Variants in FBXO21 observed in about 807,000 individuals in gnomAD.
The protein encoded by FBXO21 is F-box protein 21.
FBXO21 carries 32 observed loss-of-function variants against 76.6 expected under a neutral mutation model. That is an observed-to-expected ratio of 0.42 (90% CI 0.32 to 0.56). The LOEUF (loss-of-function observed/expected upper bound fraction) is 0.56, where lower values mean the gene tolerates loss of function less well. FBXO21 is among the 20% of genes least tolerant of loss of function. The pLI, the probability that FBXO21 is intolerant of heterozygous loss-of-function variation, is 0.16. For missense variants in FBXO21, 586 were observed against 797.3 expected (o/e 0.73, Z 3.19); for synonymous variants, 328 against 311.5 (o/e 1.05, Z -0.56).
chr12:117,153,984 AC>A (rs1026856275), intron 11 of FBXO21, among the ~76,000 whole-genome samples: 1 of 152,126 alleles, frequency 6.6e-6, no homozygotes, highest in African/African-American at 2.4e-5. Context: ...CTTAAGACCA[AC>A]CCTAAACAGT....
In FBXO21 at chr12:117,146,787, A is replaced by G. The variant is rs565601441; in HGVS notation, c.1676-510T>C. ...TTCCAACACTGGCCCTTAGCTTCCAACAGAGAGCAGCCTCTTTCCAGGGCT... is the reference window on the plus strand; with the variant it reads ...TTCCAACACTGGCCCTTAGCTTCCAGCAGAGAGCAGCCTCTTTCCAGGGCT... On this transcript the variant is annotated intron_variant, in intron 11 of 11. Transcript: ENST00000622495. Among the ~76,000 whole-genome samples, 7 of 152,228 alleles carry G rather than the reference A, an allele frequency of 4.6e-5. No individual in the cohort carries two copies. The East Asian group carries it at 7.7e-4, about 17-fold the overall frequency.
Position 117,190,423 on chromosome 12 carries a change from C to G in FBXO21, c.34G>C (p.Val12Leu), listed in dbSNP as rs1956336599. The G allele has an allele frequency of 1.4e-6, 2 of 1,462,096 alleles. No homozygotes were observed. Among genetic ancestry groups the G allele is most frequent in the South Asian group, 2.5e-5 (2 of 78,458 alleles). The allele number at this position is 1,462,096 out of a possible 1,614,324, so 90.6% of individuals were successfully genotyped here. ...AAAAVDSAMEVVPALAEEAAP... is the reference protein window; with the variant it reads ...AAAAVDSAMELVPALAEEAAP... ...GCCTCCTCCGCCAGCGCCGGCACCA[C>G]CTCCATCGCGCTGTCGACTGCTGCC... Residue 12 changes from valine to leucine, a missense_variant, in exon 1 of 12, where the codon GTG (valine) becomes CTG (leucine). Val to Leu is a conservative substitution (Grantham distance 32). Coordinates refer to ENST00000622495, the MANE Select transcript of FBXO21 (RefSeq NM_015002.3).
chr12:117,178,756 GC>G (rs1255288314), intron 3 of FBXO21, among the ~76,000 whole-genome samples: 1 of 151,792 alleles, frequency 6.6e-6, no homozygotes, highest in African/African-American at 2.4e-5. Flanking sequence ...CTTGAGTAAG[GC>G]CCCCTACATT....
Position 117,155,905 on chromosome 12 carries a change from T to C in FBXO21, c.1561A>G (p.Met521Val). The change falls in exon 11 of 12, where the codon ATG becomes GTG. Residue 521 changes from methionine to valine, a missense_variant. Physicochemically the swap from Met to Val is conservative, Grantham distance 21. Around this residue, in one of 6 missense-constraint regions of FBXO21, gnomAD observed 164 missense variants for 236.7 expected, o/e 0.69. Transcript: ENST00000622495. ...TTCCGGATCCACTCGTGTCCCATCA[T>C]GCAGGTGGGGTCCCAGCCGTAGATC... ...CVIYGWDPTC[M>V]MGHEWIRNMN... The C allele has an allele frequency of 5.0e-6, 8 of 1,614,206 alleles. No homozygotes were observed. The highest frequency in any genetic ancestry group is 6.8e-6 in the Non-Finnish European group (8 of 1,180,024).
At position 117,177,516 on chromosome 12, in the gene FBXO21, C is replaced by T. The variant is rs2135878046; in HGVS notation, c.592+4G>A. On this transcript the variant is annotated splice_donor_region_variant and intron_variant, in intron 4 of 11. Coordinates refer to ENST00000622495, the MANE Select transcript of FBXO21 (RefSeq NM_015002.3). ...ACTGTCCACATATATGGGAAAAGACCCACCTTCAAGATACGACTCATAGTC... is the reference window on the plus strand; with the variant it reads ...ACTGTCCACATATATGGGAAAAGACTCACCTTCAAGATACGACTCATAGTC... 7 of 1,610,832 alleles carry T rather than the reference C, an allele frequency of 4.3e-6. No individual in the cohort carries two copies. Among genetic ancestry groups the T allele is most frequent in the Non-Finnish European group, 5.9e-6 (7 of 1,178,524 alleles).
chr12:117,146,359 C>T, intron 11 of FBXO21, 82 bp from the exon 12 acceptor site: 1 of 1,254,652 alleles, frequency 8.0e-7, no homozygotes. Flanking sequence ...CTCCCATCAC[C>T]CCTTCCAGGT....
chr12:117,190,295 A>G lies in FBXO21; in HGVS notation c.162T>C (p.Arg54=). 1 of 1,536,152 alleles carries G rather than the reference A, an allele frequency of 6.5e-7. No homozygotes were observed. Among genetic ancestry groups the G allele is most frequent in the Admixed American group, 2.0e-5 (1 of 51,174 alleles). ...GCAGCCGCCGGCAGGTGCTGGAGAC[A>G]CGGCCGATGTCGGCGGCCGTCAGCG... ...CGSLTAADIG[R]VSSTCRRLRE... is the part of the protein sequence containing the mutation. Residue 54 remains arginine (R), a synonymous_variant, in exon 1 of 12, where the codon CGT becomes CGC. Transcript: ENST00000622495.
rs542685942 is a variant in FBXO21 at position 117,186,630 on chromosome 12, C to T, written c.376-59G>A. On this transcript the variant is annotated intron_variant, in intron 2 of 11. Coordinates refer to ENST00000622495, the MANE Select transcript of FBXO21 (RefSeq NM_015002.3). The stretch of plus-strand genomic sequence containing the variant: ...TATGAGTATTGATGCAACTCTCACT[C>T]TCACAAATTTGAGCTGAAATAAAGA... 1.3e-5 allele frequency: 14 copies of T among 1,104,760 alleles called. No individual in the cohort carries two copies. In the East Asian group the frequency reaches 2.1e-4, roughly 17 times the overall value. The allele number at this position is 1,104,760 out of a possible 1,614,324, so 68.4% of individuals were successfully genotyped here. A position where few individuals can be genotyped will look rare whatever the true frequency, so the allele number is the denominator to read the frequency against.
At chr12:117,174,086 A>G in intron 6 of FBXO21, 119 bp downstream of exon 6, 1 of 821,190 alleles carries the variant, frequency 1.2e-6, no homozygotes, top group African/African-American at 1.7e-5. Flanking sequence ...GCGGTAAGCT[A>G]TGATCGCGCC....
chr12:117,159,178 T>C (rs1328996355), intron 9 of FBXO21, among the ~76,000 whole-genome samples: 1 of 152,216 alleles, frequency 6.6e-6, no homozygotes, highest in Admixed American at 6.5e-5. Context: ...TGCGACGTGC[T>C]GGACCTCAAC....
Position 117,177,560 on chromosome 12 carries a change from G to C in FBXO21, c.552C>G (p.Ala184=). ...RQQKILNNLK[A]FLQQPDDYES... is the part of the protein sequence containing the mutation. The stretch of plus-strand genomic sequence containing the variant: ...CATAGTCATCTGGCTGCTGAAGAAA[G>C]GCCTTAAGATTATTTAAGATCTTCT... Residue 184 remains alanine (A), a synonymous_variant, in exon 4 of 12, where the codon GCC becomes GCG. Coordinates refer to ENST00000622495, the MANE Select transcript of FBXO21 (RefSeq NM_015002.3). 1 of 1,613,732 alleles carries C rather than the reference G, an allele frequency of 6.2e-7. No individual in the cohort carries two copies. The highest frequency in any genetic ancestry group is 8.5e-7 in the Non-Finnish European group (1 of 1,179,776).
chr12:117,157,690 G>T (rs1399206039), intron 10 of FBXO21, among the ~76,000 whole-genome samples, 183 bp downstream of exon 10: 1 of 151,710 alleles, frequency 6.6e-6, no homozygotes, highest in Non-Finnish European at 1.5e-5. Context: ...AAAGGTCAAA[G>T]ACACGGTTCA....
rs1955730011 is a variant in FBXO21, at chr12:117,142,821, T to C, written c.*3266A>G. On this transcript the variant is annotated 3_prime_UTR_variant, in exon 12 of 12. Transcript: ENST00000622495. ...GACTAAGGAGGGGAAAGCAAAGAGATGCGACATCAGCAGCAGAAAGCCTGC... is the reference window on the plus strand; with the variant it reads ...GACTAAGGAGGGGAAAGCAAAGAGACGCGACATCAGCAGCAGAAAGCCTGC... 6.6e-6 allele frequency: 1 copy of C among 152,082 alleles called. No individual in the cohort carries two copies. Among genetic ancestry groups the C allele is most frequent in the Admixed American group, 6.5e-5 (1 of 15,270 alleles). The allele number at this position is 152,082 out of a possible 1,614,324, so 9.4% of individuals were successfully genotyped here.
chr12:117,146,597 T>A (rs1316518357), intron 11 of FBXO21, among the ~76,000 whole-genome samples: 1 of 152,202 alleles, frequency 6.6e-6, no homozygotes, highest in Non-Finnish European at 1.5e-5. Context: ...TCAACAGGTC[T>A]CTCTGACTGG....
At chr12:117,165,342 C>A in intron 9 of FBXO21, 143 bp downstream of exon 9, 1 of 845,454 alleles carries the variant, frequency 1.2e-6, no homozygotes, top group East Asian at 2.6e-5. Context: ...AAAAAAAAAT[C>A]TACCAATGGG....
chr12:117,160,222 A>G (rs186277727), intron 9 of FBXO21, among the ~76,000 whole-genome samples: 4 of 152,186 alleles, frequency 2.6e-5, no homozygotes, highest in Non-Finnish European at 5.9e-5. Context: ...AGCTATAGAT[A>G]ATAAGTAAAC....
At chr12:117,155,688 G>T in intron 11 of FBXO21, 103 bp downstream of exon 11, 1 of 1,334,890 alleles carries the variant, frequency 7.5e-7, no homozygotes, top group Non-Finnish European at 1.0e-6. Flanking sequence ...GGCCGCCTCT[G>T]AAGGAACCGA....
At position 117,158,016 on chromosome 12, in the gene FBXO21, G is replaced by A. The variant is rs766447991; in HGVS notation, c.1374C>T (p.His458=). The stretch of plus-strand genomic sequence containing the variant: ...GCTGCACCAGGTAGCCCACCGCCCC[G>A]TGCTGCCCCGGGTCTAGGGTTTGGA... The part of the protein sequence containing the change: ...QHIQTLDPGQ[H]GAVGYLVQHT... The change falls in exon 10 of 12, where the codon CAC becomes CAT. Residue 458 remains histidine, a synonymous_variant. Transcript: ENST00000622495. 2.7e-5 allele frequency: 43 copies of A among 1,614,110 alleles called. No homozygotes were observed. In the South Asian group the frequency reaches 3.1e-4, roughly 12 times the overall value.
chr12:117,150,396 G>A (rs1955823953), intron 11 of FBXO21, among the ~76,000 whole-genome samples: 3 of 152,152 alleles, frequency 2.0e-5, no homozygotes, highest in Admixed American at 2.0e-4. Context: ...GTCCTGATCC[G>A]GTCTTCCTCT....
Sources: allele counts gnomAD v4.1 joint callset (sites outside exome capture counted in the v4.1 genomes callset), GRCh38; gene constraint gnomAD v4.1.1; regional missense constraint gnomAD v4.1.1; transcripts MANE v1.5; gene names NCBI Gene and HGNC (gene_info 2026-07-23, HGNC 2026-07-21).